The following NTM variants were observed in gnomAD, a reference collection of about 807,000 sequenced individuals.
NTM encodes IgLON family member 2.
A neutral mutation model predicts 42.1 loss-of-function variants in NTM; 13 were observed. That is an observed-to-expected ratio of 0.31 (90% CI 0.20 to 0.49). NTM has a LOEUF of 0.49. NTM is among the 20% of genes least tolerant of loss of function. The pLI is 0.99. For synonymous variants in NTM, 187 were observed against 179.2 expected, an observed-to-expected ratio of 1.04 and a Z score of -0.35; for missense variants, 373 against 452.8, an observed-to-expected ratio of 0.82 and a Z score of 1.60.
At chr11:131,543,535 A>G (rs1037849257) in intron 1 of NTM, among the ~76,000 whole-genome samples, 1 of 152,190 alleles carries the variant, frequency 6.6e-6, no homozygotes, top group Admixed American at 6.5e-5. Flanking sequence ...AGTTGCTACA[A>G]CCAGCACCAG....
intron 4 of NTM, among the ~76,000 whole-genome samples, chr11:132,259,445 G>C (rs916103858): frequency 1.3e-5 from 2 of 152,040 alleles, no homozygotes; most frequent in Non-Finnish European, 2.9e-5. Context: ...ACTTCGGGAG[G>C]CCAAGGAGGG....
intron 1 of NTM, among the ~76,000 whole-genome samples, chr11:131,557,743 G>A (rs1429665827): frequency 4.0e-5 from 6 of 150,620 alleles, no homozygotes; most frequent in Non-Finnish European, 7.4e-5. Flanking sequence ...TGAGGGGCTA[G>A]CAGGGGGTGT....
Position 132,307,765 on chromosome 11 carries a change from C to T in NTM, c.603C>T (p.Cys201=), listed in dbSNP as rs2095142388. ...ITREQSGDYE[C]SASNDVAAPV... ...GGGAGCAGTCAGGGGACTACGAGTG[C>T]AGTGCCTCCAATGACGTGGCCGCGC... Residue 201 remains cysteine (C), a synonymous_variant, in exon 5 of 9, where the codon TGC becomes TGT. Coordinates refer to ENST00000683400, the MANE Select transcript of NTM (RefSeq NM_001352005.2). The T allele has an allele frequency of 1.2e-6, 2 of 1,614,094 alleles. No individual in the cohort carries two copies. Among genetic ancestry groups the T allele is most frequent in the African/African-American group, 1.3e-5 (1 of 74,930 alleles).
chr11:131,848,420 A>T (rs9787872), intron 1 of NTM, among the ~76,000 whole-genome samples: 64,631 of 152,088 alleles, frequency 0.42, 15,807 homozygotes, highest in Admixed American at 0.57. Flanking sequence ...TCTACATGAA[A>T]GTCGCCTTCC....
intron 1 of NTM, among the ~76,000 whole-genome samples, chr11:131,605,411 G>A (rs894255513): frequency 5.3e-5 from 8 of 152,118 alleles, no homozygotes; most frequent in South Asian, 2.1e-4. Context: ...TGTGTACCCC[G>A]CACATTTACT....
chr11:132,082,192 C>A lies in NTM; in HGVS notation c.168-64090C>A, dbSNP rs187226140. Among the ~76,000 whole-genome samples the A allele has an allele frequency of 4.3e-3, 650 of 152,130 alleles. 2 individuals carry two copies. The highest frequency in any genetic ancestry group is 0.013 in the African/African-American group (543 of 41,504). ...CTGGGAATGATGCAGAATTTTCCCCCCTTTGTTCAGCTAAATCCAGTTCTT... is the reference window on the plus strand; with the variant it reads ...CTGGGAATGATGCAGAATTTTCCCCACTTTGTTCAGCTAAATCCAGTTCTT... On this transcript the variant is annotated intron_variant, in intron 2 of 8. Transcript: ENST00000683400.
intron 2 of NTM, among the ~76,000 whole-genome samples, chr11:131,930,605 C>A (rs1004546840): frequency 6.6e-6 from 1 of 152,148 alleles, no homozygotes; most frequent in African/African-American, 2.4e-5. Flanking sequence ...ATAGAACCTT[C>A]TATTACCTGT....
chr11:131,988,667 A>G (rs548334974), intron 2 of NTM, among the ~76,000 whole-genome samples: 50 of 152,224 alleles, frequency 3.3e-4, no homozygotes, highest in Middle Eastern at 3.4e-3. Context: ...TAAATCAGAG[A>G]TTCGCTAGAG....
intron 4 of NTM, among the ~76,000 whole-genome samples, chr11:132,301,871 TAAGC>T (rs1441530655): frequency 6.6e-6 from 1 of 152,220 alleles, no homozygotes; most frequent in African/African-American, 2.4e-5. Context: ...ATAAAAATAT[TAAGC>T]AAGGAGGCAG....
intron 4 of NTM, among the ~76,000 whole-genome samples, chr11:132,248,395 G>GA (rs545944317): frequency 6.9e-6 from 1 of 145,400 alleles, no homozygotes; most frequent in Non-Finnish European, 1.5e-5. Flanking sequence ...AGCCCTTGAG[G>GA]TTTTTTTTTT....
chr11:132,215,390 GTGC>G, intron 4 of NTM, among the ~76,000 whole-genome samples: 1 of 151,920 alleles, frequency 6.6e-6, no homozygotes, highest in South Asian at 2.1e-4. Context: ...CACTTATGTG[GTGC>G]TGCTTGCGAT....
At chr11:131,802,055 A>G (rs949675368) in intron 1 of NTM, among the ~76,000 whole-genome samples, 1 of 152,176 alleles carries the variant, frequency 6.6e-6, no homozygotes, top group Admixed American at 6.5e-5. Context: ...AAAATCCTAA[A>G]AAAACTAATT....
At chr11:132,108,483 G>A (rs1387223299) in intron 2 of NTM, among the ~76,000 whole-genome samples, 1 of 152,128 alleles carries the variant, frequency 6.6e-6, no homozygotes, top group Non-Finnish European at 1.5e-5. Flanking sequence ...GCTAAACTCT[G>A]AGGACGCAAA....
chr11:131,878,267 T>C (rs967230569), intron 1 of NTM, among the ~76,000 whole-genome samples: 1 of 151,852 alleles, frequency 6.6e-6, no homozygotes, highest in South Asian at 2.1e-4. Context: ...CCTGATCTTT[T>C]CTTTAATAAA....
intron 1 of NTM, among the ~76,000 whole-genome samples, chr11:131,383,777 C>A (rs1049965095): frequency 4.6e-5 from 7 of 152,104 alleles, no homozygotes; most frequent in East Asian, 3.9e-4. Flanking sequence ...AGTGGCCAAA[C>A]AACATGATTT....
chr11:131,505,483 A>G (rs2047371495), intron 1 of NTM, among the ~76,000 whole-genome samples: 1 of 152,194 alleles, frequency 6.6e-6, no homozygotes, highest in Admixed American at 6.5e-5. Context: ...CATTTTAACA[A>G]GATTCCCAAG....
chr11:131,722,239 G>A (rs573845556), intron 1 of NTM, among the ~76,000 whole-genome samples: 16 of 152,158 alleles, frequency 1.1e-4, no homozygotes, highest in African/African-American at 3.6e-4. Context: ...TGTTCTCAAA[G>A]GTTCCGGACC....
At chr11:131,900,464 T>A (rs1225135267) in intron 1 of NTM, among the ~76,000 whole-genome samples, 1 of 152,132 alleles carries the variant, frequency 6.6e-6, no homozygotes, top group East Asian at 1.9e-4. Context: ...CCTTTCAATG[T>A]GGAGATTGAA....
chr11:132,081,523 G>A (rs1426724984), intron 2 of NTM, among the ~76,000 whole-genome samples: 2 of 152,046 alleles, frequency 1.3e-5, no homozygotes, highest in African/African-American at 4.8e-5. Flanking sequence ...ACAAGGTCAG[G>A]AGATCGAGAC....
Sources: allele counts gnomAD v4.1 joint callset (sites outside exome capture counted in the v4.1 genomes callset), GRCh38; gene constraint gnomAD v4.1.1; transcripts MANE v1.5; gene names NCBI Gene and HGNC (gene_info 2026-07-23, HGNC 2026-07-21).